CFAP47: variants seen among roughly 807,000 people sequenced by gnomAD.
CFAP47 encodes cilia and flagella associated protein 47.
A neutral mutation model predicts 148.1 loss-of-function variants in CFAP47; 29 were observed. That is an observed-to-expected ratio of 0.20 (90% CI 0.15 to 0.27). CFAP47 has a LOEUF of 0.27. Among genes scored for constraint, CFAP47 ranks in the 10% least tolerant of loss-of-function variants. The pLI is 1.00. For synonymous variants in CFAP47, 664 were observed against 577.3 expected (o/e 1.15, Z -2.15); for missense variants, 1,872 against 1,697.5 (o/e 1.10, Z -1.81).
At chrX:36,024,365 A>G (rs148415485) in intron 22 of CFAP47, among the ~76,000 whole-genome samples, 1,227 of 111,538 alleles carry the variant, frequency 0.011, 18 homozygotes, top group African/African-American at 0.038. Context: ...AGTGTAAAAG[A>G]GAGGGATCTC....
chrX:35,943,506 C>A (rs1936041731), intron 3 of CFAP47, among the ~76,000 whole-genome samples: 1 of 111,090 alleles, frequency 9.0e-6, no homozygotes, highest in South Asian at 3.7e-4. Flanking sequence ...ATGGATCTAG[C>A]CATATGTTGT....
chrX:35,939,608 T>TAGGG (rs1935971386), intron 2 of CFAP47, among the ~76,000 whole-genome samples: 1 of 84,214 alleles, frequency 1.2e-5, no homozygotes, highest in African/African-American at 4.4e-5. Flanking sequence ...TCCATGTCCC[T>TAGGG]ACAAAGGACA....
At chrX:35,989,559 T>C (rs182905236) in intron 16 of CFAP47, 110 bp downstream of exon 16, 6 of 1,193,675 alleles carry the variant, frequency 5.0e-6, no homozygotes, top group African/African-American at 3.5e-5. Flanking sequence ...AACCCAAGAC[T>C]TTCATGCAAC....
chrX:36,023,335 A>T (rs939914185), intron 22 of CFAP47, among the ~76,000 whole-genome samples: 1 of 111,855 alleles, frequency 8.9e-6, no homozygotes, highest in African/African-American at 3.3e-5. Flanking sequence ...CTGTTCTGAG[A>T]CACATGGAGT....
At chrX:36,037,339 TTGTTGTTGTTG>T (rs1449680605) in intron 24 of CFAP47, among the ~76,000 whole-genome samples, 1 of 66,733 alleles carries the variant, frequency 1.5e-5, no homozygotes, top group Admixed American at 1.7e-4. Flanking sequence ...ACTTTACTCT[TTGTTGTTGTTG>T]TTGTTGTTGT....
At chrX:36,024,065 C>T (rs1399696475) in intron 22 of CFAP47, among the ~76,000 whole-genome samples, 1 of 111,997 alleles carries the variant, frequency 8.9e-6, no homozygotes, top group Non-Finnish European at 1.9e-5. Context: ...CACCTGAAGC[C>T]ATCAAGTCTC....
At chrX:36,062,650 A>C (rs1937603799) in intron 26 of CFAP47, among the ~76,000 whole-genome samples, 1 of 111,292 alleles carries the variant, frequency 9.0e-6, no homozygotes, top group Non-Finnish European at 1.9e-5. Context: ...CCAAAAGAGA[A>C]ATTTCCAGCA....
intron 33 of CFAP47, among the ~76,000 whole-genome samples, chrX:36,112,212 T>C (rs1164624487): frequency 8.9e-6 from 1 of 111,852 alleles, no homozygotes; most frequent in Non-Finnish European, 1.9e-5. Context: ...TAAATCGACA[T>C]GTTTCTAACT....
At chrX:35,955,919 C>T (rs1936238123) in intron 7 of CFAP47, 42 bp from the exon 8 acceptor site, 3 of 1,196,631 alleles carry the variant, frequency 2.5e-6, no homozygotes, top group Non-Finnish European at 3.4e-6. Flanking sequence ...TCTGGATTCC[C>T]CAAACACTTT....
At chrX:36,174,258 TG>T (rs1939633573) in intron 39 of CFAP47, among the ~76,000 whole-genome samples, 1 of 110,783 alleles carries the variant, frequency 9.0e-6, no homozygotes, top group Non-Finnish European at 1.9e-5. Context: ...TTATCCAATT[TG>T]CCAGTCTGTG....
intron 49 of CFAP47, among the ~76,000 whole-genome samples, chrX:36,269,517 A>G (rs1018473038): frequency 1.8e-5 from 2 of 112,347 alleles, no homozygotes; most frequent in African/African-American, 6.5e-5. Flanking sequence ...AGTGACTGTT[A>G]ACTACACTTC....
At chrX:36,308,785 T>C (rs1392325846) in intron 55 of CFAP47, among the ~76,000 whole-genome samples, 5 of 110,954 alleles carry the variant, frequency 4.5e-5, no homozygotes, top group Non-Finnish European at 9.5e-5. Context: ...TTATTTCTGA[T>C]GGTACCTCTT....
intron 25 of CFAP47, among the ~76,000 whole-genome samples, chrX:36,040,490 A>G (rs1937390103): frequency 8.9e-6 from 1 of 111,874 alleles, no homozygotes; most frequent in South Asian, 3.6e-4. Context: ...ATTAGAGAAT[A>G]CACATTTTTA....
intron 38 of CFAP47, among the ~76,000 whole-genome samples, chrX:36,159,934 G>A (rs1939409538): frequency 8.9e-6 from 1 of 111,812 alleles, no homozygotes. Context: ...TTCAAAGGGT[G>A]GGGAAGAGAG....
chrX:36,051,130 G>A (rs756132155), intron 26 of CFAP47, among the ~76,000 whole-genome samples: 222 of 111,987 alleles, frequency 2.0e-3, no homozygotes, highest in Non-Finnish European at 3.6e-3. Context: ...GGGCAGTGTG[G>A]AAGGGAAATG....
At chrX:35,950,711 T>C (rs943269627) in intron 4 of CFAP47, among the ~76,000 whole-genome samples, 1 of 110,425 alleles carries the variant, frequency 9.1e-6, no homozygotes, top group African/African-American at 3.3e-5. Context: ...TTGTAAGGAA[T>C]TGAGGTGTAA....
intron 59 of CFAP47, among the ~76,000 whole-genome samples, chrX:36,352,349 T>C (rs1010212065): frequency 1.8e-5 from 2 of 111,599 alleles, no homozygotes; most frequent in African/African-American, 6.5e-5. Context: ...TGTATTCTTA[T>C]TGTACATTTC....
At chrX:36,374,847 A>T in intron 62 of CFAP47, 3 of 1,099,177 alleles carry the variant, frequency 2.7e-6, no homozygotes, top group Non-Finnish European at 3.7e-6. Context: ...TTGCTTCTTC[A>T]TGGTCCATGA....
chrX:36,179,872 G>T (rs183033772), intron 40 of CFAP47, among the ~76,000 whole-genome samples: 17 of 110,721 alleles, frequency 1.5e-4, no homozygotes, highest in Non-Finnish European at 3.0e-4. Context: ...CATCAGAGAA[G>T]GTATTCAAAC....
Sources: allele counts gnomAD v4.1 joint callset (sites outside exome capture counted in the v4.1 genomes callset), GRCh38; gene constraint gnomAD v4.1.1; transcripts MANE v1.5; gene names NCBI Gene and HGNC (gene_info 2026-07-23, HGNC 2026-07-21).